Variants in GLIS3 observed in about 807,000 individuals in gnomAD.
The protein encoded by GLIS3 is zinc finger protein GLIS3.
In GLIS3, 53 loss-of-function variants were observed where a neutral mutation model predicts 78.6. That is an observed-to-expected ratio of 0.67 (90% CI 0.54 to 0.85). GLIS3 has a LOEUF of 0.85. GLIS3 is among the 40% of genes least tolerant of loss of function. The pLI is 0.00. For synonymous variants in GLIS3, 684 were observed against 509.9 expected, an observed-to-expected ratio of 1.34 and a Z score of -4.60; for missense variants, 1,703 against 1,231.1, an observed-to-expected ratio of 1.38 and a Z score of -5.74.
intron 4 of GLIS3, among the ~76,000 whole-genome samples, chr9:3,945,706 T>C (rs1816246570): frequency 6.6e-6 from 1 of 152,236 alleles, no homozygotes; most frequent in South Asian, 2.1e-4. Context: ...AAACATTCTC[T>C]ATGACTTTAG....
intron 2 of GLIS3, among the ~76,000 whole-genome samples, chr9:4,327,711 T>C (rs957157161): frequency 5.9e-5 from 9 of 152,212 alleles, no homozygotes; most frequent in Non-Finnish European, 1.0e-4. Flanking sequence ...TTGCAGTTAA[T>C]GGGGCTTGAG....
chr9:4,204,416 G>A (rs879527966), intron 2 of GLIS3, among the ~76,000 whole-genome samples: 9 of 152,138 alleles, frequency 5.9e-5, no homozygotes, highest in Non-Finnish European at 1.3e-4. Context: ...GGCAGAAGCT[G>A]AGAAGATACA....
chr9:3,849,280 C>G (rs982908214), intron 9 of GLIS3, among the ~76,000 whole-genome samples: 1 of 152,190 alleles, frequency 6.6e-6, no homozygotes, highest in Non-Finnish European at 1.5e-5. Context: ...GATTAGAAAA[C>G]CATCCTAGAG....
intron 4 of GLIS3, among the ~76,000 whole-genome samples, chr9:4,078,525 C>A (rs1260944356): frequency 6.6e-6 from 1 of 152,216 alleles, no homozygotes; most frequent in Non-Finnish European, 1.5e-5. Flanking sequence ...AAGCAAAACA[C>A]AGGAACCACC....
chr9:3,905,809 C>T (rs1823656713), intron 6 of GLIS3, among the ~76,000 whole-genome samples: 1 of 152,174 alleles, frequency 6.6e-6, no homozygotes, highest in Non-Finnish European at 1.5e-5. Context: ...TGACTTCCTT[C>T]CCTTTCTCTT....
intron 1 of GLIS3, chr9:4,298,505 G>C: frequency 2.3e-6 from 1 of 437,126 alleles, no homozygotes. Context: ...CTGTCGCTCG[G>C]GGCAAGGTGT....
chr9:4,416,106 G>C, the GLIS3 span, among the ~76,000 whole-genome samples: 1 of 151,284 alleles, frequency 6.6e-6, no homozygotes, highest in Non-Finnish European at 1.5e-5. Flanking sequence ...ATGCAAAGTG[G>C]CCAGGTGCAG....
At chr9:4,197,636 C>G (rs1586949163) in intron 2 of GLIS3, among the ~76,000 whole-genome samples, 2 of 152,192 alleles carry the variant, frequency 1.3e-5, no homozygotes, top group African/African-American at 4.8e-5. Flanking sequence ...TCCTGCCCTG[C>G]CCATCTTGCC....
rs868131475 is a variant in GLIS3, at chr9:4,327,071, A to G, written n.265-16543T>C. Among the ~76,000 whole-genome samples the G allele has an allele frequency of 5.3e-5, 8 of 152,370 alleles. No individual in the cohort carries two copies. The South Asian group carries it at 1.4e-3, about 28-fold the overall frequency. On this transcript the variant is annotated intron_variant and non_coding_transcript_variant, in intron 2 of 4. Transcript: ENST00000471664. ...AGTAATCTCATAAATGGAGGTTACA[A>G]TGTGATCTGTGTTAAGGAGGTCAGA...
intron 2 of GLIS3, among the ~76,000 whole-genome samples, chr9:4,158,411 A>G (rs540117691): frequency 6.6e-6 from 1 of 152,304 alleles, no homozygotes; most frequent in South Asian, 2.1e-4. Flanking sequence ...ACTGAATACC[A>G]CGATGAAGTG....
intron 7 of GLIS3, 104 bp downstream of exon 7, chr9:3,898,587 C>A: frequency 7.2e-7 from 1 of 1,382,814 alleles, no homozygotes; most frequent in East Asian, 2.3e-5. Context: ...AAGAACAACA[C>A]AGACGATCTT....
chr9:4,224,098 G>A (rs1046876779), intron 2 of GLIS3, among the ~76,000 whole-genome samples: 4 of 151,984 alleles, frequency 2.6e-5, no homozygotes, highest in African/African-American at 9.7e-5. Flanking sequence ...AAGAAAGCTT[G>A]CAAATCACAC....
At chr9:4,170,075 C>A (rs779767348) in intron 2 of GLIS3, among the ~76,000 whole-genome samples, 1 of 152,100 alleles carries the variant, frequency 6.6e-6, no homozygotes, top group Non-Finnish European at 1.5e-5. Context: ...CTGCCTTAAA[C>A]CATATGGAGA....
the GLIS3 span, among the ~76,000 whole-genome samples, chr9:4,435,503 C>T: frequency 6.6e-6 from 1 of 152,178 alleles, no homozygotes; most frequent in South Asian, 2.1e-4. Context: ...GTCACAAGAT[C>T]ATCAAAAGGC....
chr9:3,860,278 A>G (rs1820110010), intron 8 of GLIS3, among the ~76,000 whole-genome samples: 2 of 95,432 alleles, frequency 2.1e-5, no homozygotes, highest in Non-Finnish European at 5.2e-5. Flanking sequence ...CTGTCAAAAA[A>G]AAAAAAAAAA....
chr9:4,453,345 C>A, the GLIS3 span, among the ~76,000 whole-genome samples: 245 of 91,474 alleles, frequency 2.7e-3, no homozygotes, highest in South Asian at 3.8e-3. Flanking sequence ...TTCTGCACAG[C>A]AAAAAAAAAA....
At chr9:4,032,695 G>C (rs1823949294) in intron 4 of GLIS3, among the ~76,000 whole-genome samples, 1 of 152,030 alleles carries the variant, frequency 6.6e-6, no homozygotes, top group African/African-American at 2.4e-5. Context: ...TTCCAGCCCG[G>C]GGCAAGTATA....
Position 4,118,316 on chromosome 9 carries a change from C to T in GLIS3, c.1162G>A (p.Gly388Arg), listed in dbSNP as rs1236445907. Residue 388 changes from glycine (G) to arginine (R), a missense_variant, in exon 4 of 11, where the codon GGG (glycine) becomes AGG (arginine). Gly to Arg is a moderately radical substitution (Grantham distance 125, BLOSUM62 -2). Transcript: ENST00000381971. This position sits in a 1 kb window ranked among gnomAD's most constrained non-coding sequence, Gnocchi z 4.7. Reference sequence around the variant, plus strand: ...TGCATGCGCTCGTGCTCCAGGGCCCCGTCCTCGCCGTAGGCCGGCAGCGCC... The same window carrying T: ...TGCATGCGCTCGTGCTCCAGGGCCCTGTCCTCGCCGTAGGCCGGCAGCGCC... ...GLALPAYGED[G>R]ALEHERMQQL... 1 of 1,573,014 alleles carries T rather than the reference C, an allele frequency of 6.4e-7. No homozygotes were observed. The highest frequency in any genetic ancestry group is 1.3e-5 in the African/African-American group (1 of 74,172).
chr9:4,044,491 T>A (rs1825087726), intron 4 of GLIS3, among the ~76,000 whole-genome samples: 1 of 152,192 alleles, frequency 6.6e-6, no homozygotes, highest in Admixed American at 6.5e-5. Context: ...CCACGCCTGG[T>A]CCTATTCCTA....
Sources: gnomAD v4.1 joint callset for allele counts (sites outside exome capture counted in the v4.1 genomes callset) on GRCh38, gnomAD v4.1.1 for gene constraint, Gnocchi (gnomAD v3.1) non-coding constraint, MANE v1.5 for transcripts, NCBI Gene and HGNC (gene_info 2026-07-23, HGNC 2026-07-21) for gene names.